The following LARP4B variants were observed in gnomAD, a reference collection of about 807,000 sequenced individuals.
LARP4B encodes the protein la-related protein 4B.
Under a neutral mutation model 89.8 loss-of-function variants are expected in LARP4B, and 12 were observed. The ratio of observed to expected loss-of-function variants is 0.13; its 90% confidence interval spans 0.09 to 0.22. The LOEUF is 0.22. Among genes scored for constraint, LARP4B ranks in the 10% least tolerant of loss-of-function variants. The pLI, the probability that LARP4B is intolerant of heterozygous loss-of-function variation, is 1.00. For missense variants in LARP4B, 757 were observed against 947.7 expected, an observed-to-expected ratio of 0.80 and a Z score of 2.64; for synonymous variants, 367 against 363.3, an observed-to-expected ratio of 1.01 and a Z score of -0.12.
At chr10:856,489 C>G (rs1409985975) in intron 5 of LARP4B, among the ~76,000 whole-genome samples, 1 of 152,194 alleles carries the variant, frequency 6.6e-6, no homozygotes, top group African/African-American at 2.4e-5. Context: ...CCAAATTGGA[C>G]AGACAGACAG....
intron 12 of LARP4B, among the ~76,000 whole-genome samples, chr10:825,541 C>G (rs61830900): frequency 0.11 from 16,836 of 152,314 alleles, 1,180 homozygotes; most frequent in Non-Finnish European, 0.16. Context: ...AAATTAAAAT[C>G]AGGCACACCT....
the LARP4B span, among the ~76,000 whole-genome samples, chr10:969,181 T>C: frequency 1.3e-5 from 2 of 152,162 alleles, no homozygotes; most frequent in Non-Finnish European, 2.9e-5. Context: ...TTTTCAAATA[T>C]TTGGGAGGAA....
intron 1 of LARP4B, among the ~76,000 whole-genome samples, chr10:895,079 G>A (rs1836146237): frequency 2.0e-5 from 3 of 152,260 alleles, no homozygotes; most frequent in East Asian, 3.9e-4. Context: ...CCAGCTACTC[G>A]AGAGGCTAAG....
At chr10:923,843 T>A (rs999013165) in intron 1 of LARP4B, among the ~76,000 whole-genome samples, 1 of 152,192 alleles carries the variant, frequency 6.6e-6, no homozygotes, top group Non-Finnish European at 1.5e-5. Flanking sequence ...ATGTTCTCAT[T>A]TTTCAGAGAC....
chr10:940,933 TCA>T, the LARP4B span, among the ~76,000 whole-genome samples: 1 of 152,034 alleles, frequency 6.6e-6, no homozygotes, highest in African/African-American at 2.4e-5. Flanking sequence ...TTTGGCAAAA[TCA>T]CAGACTCAGC....
intron 6 of LARP4B, 68 bp downstream of exon 6, chr10:844,909 G>T (rs61492661): frequency 7.9e-6 from 9 of 1,142,484 alleles, no homozygotes; most frequent in Non-Finnish European, 1.0e-5. Context: ...TATCACATTT[G>T]TATATACTTT....
At chr10:958,582 T>A in the LARP4B span, among the ~76,000 whole-genome samples, 1 of 152,172 alleles carries the variant, frequency 6.6e-6, no homozygotes, top group Non-Finnish European at 1.5e-5. Context: ...ACCCCACACC[T>A]CTGATTTATA....
upstream of LARP4B, among the ~76,000 whole-genome samples, chr10:934,385 C>G (rs1830721181): frequency 6.6e-6 from 1 of 151,984 alleles, no homozygotes; most frequent in Non-Finnish European, 1.5e-5. Flanking sequence ...GTGGTTCCAG[C>G]TACTCAGGAG....
chr10:981,807 T>C, the LARP4B span, among the ~76,000 whole-genome samples: 2 of 151,890 alleles, frequency 1.3e-5, no homozygotes, highest in Admixed American at 6.6e-5. Flanking sequence ...GACCTCATGA[T>C]CCACCTGCCT....
intron 5 of LARP4B, among the ~76,000 whole-genome samples, chr10:855,950 CAAAGGCAACG>C (rs1390218329): frequency 1.3e-5 from 2 of 152,220 alleles, no homozygotes; most frequent in Non-Finnish European, 2.9e-5. Flanking sequence ...GAGAAAGGTG[CAAAGGCAACG>C]CAGCAGAGAG....
chr10:921,419 G>A (rs562934654), intron 1 of LARP4B, among the ~76,000 whole-genome samples: 2 of 152,272 alleles, frequency 1.3e-5, no homozygotes, highest in East Asian at 3.9e-4. Flanking sequence ...ATGTTGAGCT[G>A]TAACTTCATG....
intron 12 of LARP4B, 96 bp downstream of exon 12, chr10:825,668 G>C: frequency 2.5e-6 from 2 of 785,328 alleles, no homozygotes; most frequent in East Asian, 2.7e-5. Context: ...GGCTCTGTCT[G>C]CGAGGAGCAG....
the LARP4B span, among the ~76,000 whole-genome samples, chr10:955,921 C>T: frequency 1.1e-4 from 17 of 152,308 alleles, no homozygotes; most frequent in Non-Finnish European, 2.1e-4. This position sits in a 1 kb window ranked among gnomAD's most constrained non-coding sequence, Gnocchi z 5.2. Flanking sequence ...TCCCCTCTCA[C>T]GCCCGCCTGA....
At chr10:970,737 T>C in the LARP4B span, among the ~76,000 whole-genome samples, 1 of 152,130 alleles carries the variant, frequency 6.6e-6, no homozygotes, top group Non-Finnish European at 1.5e-5. Flanking sequence ...TTTTTTCTTC[T>C]TATGGTAACT....
chr10:816,615 G>A (rs188613191), intron 15 of LARP4B, among the ~76,000 whole-genome samples: 3 of 152,306 alleles, frequency 2.0e-5, no homozygotes, highest in East Asian at 1.9e-4. Context: ...CAATACCAAC[G>A]GGAGTAGGCT....
intron 1 of LARP4B, among the ~76,000 whole-genome samples, chr10:903,703 G>T (rs1836406007): frequency 1.3e-5 from 2 of 152,172 alleles, no homozygotes; most frequent in Admixed American, 1.3e-4. Flanking sequence ...ATTTCCAGTG[G>T]ATCCTGCATT....
chr10:966,976 C>T, the LARP4B span, among the ~76,000 whole-genome samples: 1 of 152,260 alleles, frequency 6.6e-6, no homozygotes, highest in African/African-American at 2.4e-5. Flanking sequence ...TTATCGTCTC[C>T]AAGACAAGGC....
rs561708699 is a variant in LARP4B at position 814,268 on chromosome 10, A to G, written c.1929+474T>C. Among the ~76,000 whole-genome samples the G allele has an allele frequency of 1.1e-4, 16 of 152,278 alleles. No homozygotes were observed. The highest frequency in any genetic ancestry group is 3.4e-3 in the Middle Eastern group (1 of 294). ...GCCACAACTCAGAGTAAGAGAGGCCACAGTTCACCCAGTAGGGAAAACAGC... is the reference window on the plus strand; with the variant it reads ...GCCACAACTCAGAGTAAGAGAGGCCGCAGTTCACCCAGTAGGGAAAACAGC... On this transcript the variant is annotated intron_variant, in intron 17 of 17. Transcript: ENST00000316157. The surrounding 1 kb of genome is among the most constrained non-coding windows in gnomAD (Gnocchi z 4.4).
intron 7 of LARP4B, 21 bp downstream of exon 7, chr10:842,911 T>A (rs745889725): frequency 6.2e-7 from 1 of 1,609,250 alleles, no homozygotes; most frequent in South Asian, 1.1e-5. Context: ...GTATTATTAA[T>A]TTAAATTGTC....
Sources: gnomAD v4.1 joint callset for allele counts (sites outside exome capture counted in the v4.1 genomes callset) on GRCh38, gnomAD v4.1.1 for gene constraint, Gnocchi (gnomAD v3.1) non-coding constraint, MANE v1.5 for transcripts, NCBI Gene and HGNC (gene_info 2026-07-23, HGNC 2026-07-21) for gene names.